The following TRAK1 variants were observed in gnomAD, a reference collection of about 807,000 sequenced individuals.
TRAK1 encodes the protein trafficking kinesin-binding protein 1.
Under a neutral mutation model 92.1 loss-of-function variants are expected in TRAK1, and 33 were observed. That is an observed-to-expected ratio of 0.36 (90% CI 0.27 to 0.48). The LOEUF (loss-of-function observed/expected upper bound fraction) is 0.48. Among genes scored for constraint, TRAK1 ranks in the 20% least tolerant of loss-of-function variants. The pLI, the probability that TRAK1 is intolerant of heterozygous loss-of-function variation, is 0.99. For missense variants in TRAK1, 1,123 were observed against 1,257.9 expected (o/e 0.89, Z 1.62); for synonymous variants, 521 against 517.3 (o/e 1.01, Z -0.10).
Position 42,032,069 on chromosome 3 carries a change from G to T in TRAK1, c.-519+17952G>T, listed in dbSNP as rs114746730. 5.4e-3 allele frequency among the ~76,000 whole-genome samples: 821 copies of T among 152,282 alleles called. 9 individuals are homozygous for T. Among genetic ancestry groups the T allele is most frequent in the African/African-American group, 0.019 (790 of 41,562 alleles). On this transcript the variant is annotated intron_variant, in intron 1 of 16. Coordinates refer to the TRAK1 transcript ENST00000487159. ...GGGGAATCAGCTCCTTCACCCGCAG[G>T]CCTGGAGAGACTGAGTCAGGAGTGC...
chr3:42,050,667 AT>A (rs976715984), intron 1 of TRAK1, among the ~76,000 whole-genome samples: 1 of 151,212 alleles, frequency 6.6e-6, no homozygotes, highest in South Asian at 2.1e-4. Context: ...TTTAATTTTT[AT>A]TTTTTTTGAG....
chr3:42,102,966 G>T (rs1283189568), intron 1 of TRAK1, among the ~76,000 whole-genome samples: 1 of 152,146 alleles, frequency 6.6e-6, no homozygotes, highest in Non-Finnish European at 1.5e-5. Context: ...GCTTCATTGA[G>T]ATATAATTCA....
At position 42,202,744 on chromosome 3, in the gene TRAK1, C is replaced by A. The variant is rs1290349291; in HGVS notation, c.1736C>A (p.Pro579Gln). 6.2e-7 allele frequency: 1 copy of A among 1,613,656 alleles called. No homozygotes were observed. The highest frequency in any genetic ancestry group is 8.5e-7 in the Non-Finnish European group (1 of 1,179,778). ...YLPEKLQIVK[P>Q]LEGSATLHHW... Reference sequence around the variant, plus strand: ...CCTGAGAAGCTCCAGATCGTGAAGCCGCTGGAAGGTGATCACGCGGGGCCT... The same window carrying A: ...CCTGAGAAGCTCCAGATCGTGAAGCAGCTGGAAGGTGATCACGCGGGGCCT... The change falls in exon 13 of 16, where the codon CCG (proline) becomes CAG (glutamine). Residue 579 changes from proline (P) to glutamine (Q), a missense_variant. Physicochemically the swap from Pro to Gln is moderately conservative, Grantham distance 76. Around this residue, in one of 3 missense-constraint regions of TRAK1, gnomAD observed 36 missense variants for 71.3 expected, o/e 0.50. Coordinates refer to ENST00000327628, the MANE Select transcript of TRAK1 (RefSeq NM_001042646.3). The surrounding 1 kb of genome is among the most constrained non-coding windows in gnomAD (Gnocchi z 6.1).
chr3:42,041,436 T>C (rs11926573), intron 1 of TRAK1, among the ~76,000 whole-genome samples: 3 of 152,112 alleles, frequency 2.0e-5, no homozygotes, highest in Admixed American at 1.3e-4. Flanking sequence ...TGTATAAAAA[T>C]ACGACTGATT....
intron 2 of TRAK1, among the ~76,000 whole-genome samples, chr3:42,162,843 CAGGGG>C (rs1200576257): frequency 6.6e-6 from 1 of 152,180 alleles, no homozygotes; most frequent in African/African-American, 2.4e-5. Context: ...CTGCAGCCAT[CAGGGG>C]CCACTGTTAA....
chr3:42,134,738 C>A (rs1351217900), intron 2 of TRAK1, among the ~76,000 whole-genome samples: 1 of 151,818 alleles, frequency 6.6e-6, no homozygotes, highest in Non-Finnish European at 1.5e-5. Context: ...AGGCGCACGC[C>A]CGGCTAATTT....
At chr3:42,114,216 CCATT>C (rs1708868374) in intron 1 of TRAK1, among the ~76,000 whole-genome samples, 1 of 152,174 alleles carries the variant, frequency 6.6e-6, no homozygotes, top group Non-Finnish European at 1.5e-5. Flanking sequence ...TTTTGTTTAT[CCATT>C]CATCTGCTGA....
intron 2 of TRAK1, among the ~76,000 whole-genome samples, chr3:42,138,501 T>G (rs1458883026): frequency 6.6e-6 from 1 of 152,232 alleles, no homozygotes; most frequent in Non-Finnish European, 1.5e-5. Flanking sequence ...AAACAAGATT[T>G]AAAACTCATG....
At chr3:42,201,114 G>A in intron 12 of TRAK1, 60 bp downstream of exon 12, 1 of 1,534,780 alleles carries the variant, frequency 6.5e-7, no homozygotes, top group African/African-American at 1.4e-5. Flanking sequence ...AGTATGGATT[G>A]TCTGCAGGCT....
chr3:42,070,282 T>A lies in TRAK1; in HGVS notation c.-518-16822T>A, dbSNP rs1373847357. 4.1e-5 allele frequency among the ~76,000 whole-genome samples: 6 copies of A among 147,908 alleles called. No homozygotes were observed. In the South Asian group the frequency reaches 6.3e-4, roughly 15 times the overall value. On this transcript the variant is annotated intron_variant, in intron 1 of 16. Coordinates refer to the TRAK1 transcript ENST00000487159. ...AATTATAATAATTATGAATAATAAT[T>A]ATAATTATATTAATTATAAATAATT...
At chr3:42,127,256 ACTTAC>A (rs1710688858) in intron 2 of TRAK1, among the ~76,000 whole-genome samples, 1 of 151,838 alleles carries the variant, frequency 6.6e-6, no homozygotes, top group Non-Finnish European at 1.5e-5. Flanking sequence ...TCTCTGCGTT[ACTTAC>A]CTTTCCTTAG....
chr3:42,184,050 T>G (rs1035246496), intron 3 of TRAK1, among the ~76,000 whole-genome samples: 2 of 152,248 alleles, frequency 1.3e-5, no homozygotes, highest in Admixed American at 6.5e-5. Flanking sequence ...GTCTCCGTTT[T>G]GAAAGTTGTT....
upstream of TRAK1, among the ~76,000 whole-genome samples, chr3:42,089,726 C>A (rs1376966680): frequency 7.1e-6 from 1 of 139,996 alleles, no homozygotes; most frequent in African/African-American, 2.5e-5. Flanking sequence ...TCTCCCTTTC[C>A]TGTTTAATTT....
intron 2 of TRAK1, among the ~76,000 whole-genome samples, chr3:42,168,323 A>G (rs1468186765): frequency 6.6e-6 from 1 of 152,186 alleles, no homozygotes; most frequent in Non-Finnish European, 1.5e-5. Context: ...CAATACAATA[A>G]TGTTTTTACA....
At chr3:42,038,083 C>T (rs765109045) in intron 1 of TRAK1, among the ~76,000 whole-genome samples, 3 of 152,132 alleles carry the variant, frequency 2.0e-5, no homozygotes, top group Admixed American at 2.0e-4. Flanking sequence ...AAGTGAAAGA[C>T]AGGATTATAA....
At position 42,181,807 on chromosome 3, in the gene TRAK1, T is replaced by A. The variant is rs144206520; in HGVS notation, c.364-2878T>A. ...TTTAACCAAATCCACCTGAAACCAC[T>A]TGGACTAGGTGCTAATTTTCAGTCA... is the stretch of plus-strand genomic sequence containing the variant. On this transcript the variant is annotated intron_variant, in intron 3 of 15. Coordinates refer to ENST00000327628, the MANE Select transcript of TRAK1 (RefSeq NM_001042646.3). Among the ~76,000 whole-genome samples the A allele has an allele frequency of 6.9e-3, 1,049 of 152,310 alleles. 12 individuals carry two copies. Among genetic ancestry groups the A allele is most frequent in the African/African-American group, 0.024 (997 of 41,568 alleles).
rs1701069802 is a variant in TRAK1 at position 42,160,099 on chromosome 3, C to T, written c.287-16715C>T. 2.1e-5 allele frequency: 20 copies of T among 931,064 alleles called. 1 individual carries two copies. The highest frequency in any genetic ancestry group is 4.3e-5 in the Admixed American group (1 of 23,356). 57.7% of individuals were successfully genotyped at this position (931,064 alleles called of 1,614,324 possible). ...TGCGCCTAGCAGGGCATTCCCACCC[C>T]GCCAAGTGCTCCACCCCACCCCGCC... On this transcript the variant is annotated intron_variant, in intron 2 of 15. Coordinates refer to ENST00000327628, the MANE Select transcript of TRAK1 (RefSeq NM_001042646.3).
chr3:42,209,348 A>G (rs1708696162), intron 13 of TRAK1, among the ~76,000 whole-genome samples: 1 of 151,980 alleles, frequency 6.6e-6, no homozygotes. Context: ...AGGAGTGTGT[A>G]TTTGGCATAG....
At chr3:42,218,127 A>C in intron 14 of TRAK1, 1 of 985,252 alleles carries the variant, frequency 1.0e-6, no homozygotes, top group Non-Finnish European at 1.2e-6. Flanking sequence ...TCTAGTCACC[A>C]TCACTTTTGT....
Sources: gnomAD v4.1 joint callset for allele counts (sites outside exome capture counted in the v4.1 genomes callset) on GRCh38, gnomAD v4.1.1 for gene constraint, gnomAD v4.1.1 regional missense constraint, Gnocchi (gnomAD v3.1) non-coding constraint, MANE v1.5 for transcripts, NCBI Gene and HGNC (gene_info 2026-07-23, HGNC 2026-07-21) for gene names.